Variants in GMDS observed in about 807,000 individuals in gnomAD.
The protein encoded by GMDS is GDP-mannose 4,6 dehydratase.
Under a neutral mutation model 49.9 loss-of-function variants are expected in GMDS, and 20 were observed. The ratio of observed to expected loss-of-function variants is 0.40; its 90% confidence interval spans 0.28 to 0.58. The LOEUF is 0.58. Among genes scored for constraint, GMDS ranks in the 20% least tolerant of loss-of-function variants. The pLI is 0.42. For synonymous variants in GMDS, 177 were observed against 178.6 expected (o/e 0.99, Z 0.07); for missense variants, 362 against 481.4 (o/e 0.75, Z 2.32).
intron 1 of GMDS, among the ~76,000 whole-genome samples, chr6:2,239,633 T>C (rs1781518992): frequency 6.6e-6 from 1 of 152,170 alleles, no homozygotes; most frequent in Non-Finnish European, 1.5e-5. Flanking sequence ...TGTAACAGTC[T>C]TTGATTAAGC....
chr6:1,936,649 G>A (rs1324174708), intron 6 of GMDS, among the ~76,000 whole-genome samples: 1 of 152,102 alleles, frequency 6.6e-6, no homozygotes, highest in Non-Finnish European at 1.5e-5. Context: ...AGCATGGACC[G>A]CTTATATGAC....
intron 4 of GMDS, among the ~76,000 whole-genome samples, chr6:2,114,110 T>C (rs1774710646): frequency 6.6e-6 from 1 of 152,000 alleles, no homozygotes; most frequent in Non-Finnish European, 1.5e-5. Context: ...AAGGAAAGAA[T>C]CAGCCCATTT....
At chr6:2,241,794 A>G (rs937041020) in intron 1 of GMDS, among the ~76,000 whole-genome samples, 12 of 152,220 alleles carry the variant, frequency 7.9e-5, no homozygotes, top group African/African-American at 1.2e-4. Flanking sequence ...CATGAACCAA[A>G]TAAACCTCTT....
intron 9 of GMDS, among the ~76,000 whole-genome samples, chr6:1,674,052 G>A (rs6912355): frequency 0.98 from 147,642 of 151,328 alleles, 72,115 homozygotes; most frequent in East Asian, 1. Context: ...ACATAGCCGC[G>A]AGGTTGCTGA....
At chr6:2,008,942 T>C (rs746646324) in intron 4 of GMDS, among the ~76,000 whole-genome samples, 1 of 152,246 alleles carries the variant, frequency 6.6e-6, no homozygotes, top group Non-Finnish European at 1.5e-5. Context: ...AGCAAGTTGC[T>C]AGATTGGTAA....
intron 7 of GMDS, among the ~76,000 whole-genome samples, chr6:1,926,379 C>G (rs902292317): frequency 6.6e-5 from 10 of 152,204 alleles, no homozygotes; most frequent in African/African-American, 2.4e-4. Flanking sequence ...ACCTGCCCAT[C>G]TGCATGCTCC....
chr6:1,843,151 A>AATAAG (rs1757223731), intron 7 of GMDS, among the ~76,000 whole-genome samples: 1 of 152,034 alleles, frequency 6.6e-6, no homozygotes, highest in Non-Finnish European at 1.5e-5. Context: ...AATAAAATAA[A>AATAAG]GAGAATTTCT....
intron 4 of GMDS, among the ~76,000 whole-genome samples, chr6:2,091,371 C>A (rs145563040): frequency 9.2e-4 from 140 of 152,312 alleles, no homozygotes; most frequent in African/African-American, 3.1e-3. Context: ...CTATCAGGAT[C>A]TCAATAAATG....
intron 9 of GMDS, among the ~76,000 whole-genome samples, chr6:1,706,978 A>C (rs1291002003): frequency 6.6e-6 from 1 of 152,214 alleles, no homozygotes; most frequent in African/African-American, 2.4e-5. Flanking sequence ...GAAGGCAAGG[A>C]AGCATTTGGC....
At chr6:1,804,599 T>C (rs1446573887) in intron 7 of GMDS, among the ~76,000 whole-genome samples, 2 of 152,256 alleles carry the variant, frequency 1.3e-5, no homozygotes, top group Admixed American at 6.5e-5. Context: ...CTATGTGTCA[T>C]GAATTGTATA....
At chr6:1,979,587 T>G in intron 4 of GMDS, among the ~76,000 whole-genome samples, 1 of 152,106 alleles carries the variant, frequency 6.6e-6, no homozygotes, top group Admixed American at 6.5e-5. Flanking sequence ...ACTTGAACAA[T>G]ATGGGGAGAA....
chr6:1,866,045 G>A (rs1475088139), intron 7 of GMDS, among the ~76,000 whole-genome samples: 1 of 152,170 alleles, frequency 6.6e-6, no homozygotes, highest in Non-Finnish European at 1.5e-5. Context: ...ATTCATGTGG[G>A]ATTTGGGGCA....
chr6:1,721,410 TGAG>T (rs1479873879), intron 9 of GMDS, among the ~76,000 whole-genome samples: 1 of 151,884 alleles, frequency 6.6e-6, no homozygotes, highest in Non-Finnish European at 1.5e-5. Context: ...CAATCACAAC[TGAG>T]GAGATTAAAA....
chr6:1,852,231 A>G (rs1162192106), intron 7 of GMDS, among the ~76,000 whole-genome samples: 1 of 152,232 alleles, frequency 6.6e-6, no homozygotes, highest in Non-Finnish European at 1.5e-5. Flanking sequence ...GTTCCCTCAA[A>G]GCCACAGGCC....
At chr6:2,159,612 A>T (rs1212448473) in intron 1 of GMDS, among the ~76,000 whole-genome samples, 2 of 136,286 alleles carry the variant, frequency 1.5e-5, no homozygotes, top group East Asian at 4.3e-4. Flanking sequence ...TCCATCTCCC[A>T]GGCTCAAGCA....
intron 7 of GMDS, among the ~76,000 whole-genome samples, chr6:1,757,738 T>C (rs1312075253): frequency 6.6e-6 from 1 of 152,222 alleles, no homozygotes; most frequent in East Asian, 1.9e-4. Context: ...TCACAGTGCG[T>C]GCATTAAGGT....
chr6:1,703,114 T>C (rs1420129068), intron 9 of GMDS, among the ~76,000 whole-genome samples: 1 of 152,108 alleles, frequency 6.6e-6, no homozygotes, highest in Non-Finnish European at 1.5e-5. Context: ...GCACATGCAG[T>C]GGGTTCCTTG....
intron 9 of GMDS, among the ~76,000 whole-genome samples, chr6:1,702,007 G>A (rs1016428285): frequency 1.3e-5 from 2 of 152,244 alleles, no homozygotes; most frequent in Non-Finnish European, 2.9e-5. Context: ...TGCGATGGGG[G>A]TGTGAGAGAT....
intron 1 of GMDS, among the ~76,000 whole-genome samples, chr6:2,226,372 G>A (rs574447914): frequency 7.9e-5 from 12 of 152,304 alleles, no homozygotes; most frequent in African/African-American, 2.9e-4. Context: ...TCCCATCTAA[G>A]AGTTAGATTC....
Sources: gnomAD v4.1 joint callset for allele counts (sites outside exome capture counted in the v4.1 genomes callset) on GRCh38, gnomAD v4.1.1 for gene constraint, MANE v1.5 for transcripts, NCBI Gene and HGNC (gene_info 2026-07-23, HGNC 2026-07-21) for gene names.